The following CHTOP variants were observed in gnomAD, a reference collection of about 807,000 sequenced individuals.
The protein encoded by CHTOP is chromatin target of PRMT1 protein.
A neutral mutation model predicts 33.6 loss-of-function variants in CHTOP; 18 were observed. The observed-to-expected ratio is 0.54, with a 90% confidence interval of 0.37 to 0.80. CHTOP has a LOEUF of 0.80. CHTOP is among the 30% of genes least tolerant of loss of function. CHTOP has a pLI of 0.00. For synonymous variants in CHTOP, 117 were observed against 127.7 expected, an observed-to-expected ratio of 0.92 and a Z score of 0.56; for missense variants, 263 against 336.8, an observed-to-expected ratio of 0.78 and a Z score of 1.71.
intron 1 of CHTOP, 148 bp from the exon 2 acceptor site, chr1:153,636,424 A>C (rs1668406269): frequency 1.9e-6 from 1 of 534,538 alleles, no homozygotes; most frequent in South Asian, 3.1e-5. Context: ...AAAAAAAAAA[A>C]AGAAATTTAA....
intron 2 of CHTOP, chr1:153,637,948 A>G (rs1391171994): frequency 8.0e-6 from 2 of 249,666 alleles, no homozygotes; most frequent in South Asian, 5.0e-5. Flanking sequence ...CGGATCCCCC[A>G]AGGTTTAGGC....
At chr1:153,638,170 TAA>T (rs1668481537) in intron 2 of CHTOP, 123 bp from the exon 3 acceptor site, 3 of 899,552 alleles carry the variant, frequency 3.3e-6, no homozygotes, top group Non-Finnish European at 5.2e-6. Flanking sequence ...AGCCTTGATC[TAA>T]GTGTACCACT....
Position 153,645,421 on chromosome 1 carries a change from G to A in CHTOP, c.*152G>A. On this transcript the variant is annotated 3_prime_UTR_variant, in exon 6 of 6. Transcript: ENST00000368694. ...TGCCACCAGCTTGTGCATTTAGTGT[G>A]TTCCTTTTACTTTTTGATACTGTGT... The A allele has an allele frequency of 2.1e-6, 1 of 483,256 alleles. No homozygotes were observed. Among genetic ancestry groups the A allele is most frequent in the Admixed American group, 4.5e-5 (1 of 22,318 alleles). 29.9% of individuals were successfully genotyped at this position (483,256 alleles called of 1,614,324 possible).
intron 5 of CHTOP, chr1:153,644,160 A>G (rs1176965678): frequency 6.6e-6 from 1 of 152,228 alleles, no homozygotes; most frequent in Non-Finnish European, 1.5e-5. Context: ...TGGGTCTTCC[A>G]TAACTTATGA....
intron 3 of CHTOP, among the ~76,000 whole-genome samples, chr1:153,641,419 T>C (rs1668619402): frequency 6.6e-6 from 1 of 152,250 alleles, no homozygotes; most frequent in Admixed American, 6.5e-5. Flanking sequence ...TTCTTAAAAA[T>C]ACCCTATCTC....
At chr1:153,638,504 C>T (rs1557938834) in intron 3 of CHTOP, 56 bp downstream of exon 3, 4 of 1,592,484 alleles carry the variant, frequency 2.5e-6, no homozygotes, top group African/African-American at 1.3e-5. Flanking sequence ...GTGAGGGAGT[C>T]CACTGAGGCT....
rs992512339 is a variant in CHTOP at position 153,642,331 on chromosome 1, G to A, written c.305G>A (p.Gly102Glu). ...IGALARGAIGGRGLPIIQRGL... is the reference protein window; with the variant it reads ...IGALARGAIGERGLPIIQRGL... ...GCCCTGGCCAGGGGAGCAATCGGAG[G>A]ACGAGGCCTACCCATAATCCAGAGA... The change falls in exon 4 of 6, where the codon GGA (glycine) becomes GAA (glutamate). Residue 102 changes from glycine to glutamate, a missense_variant. Gly to Glu is a moderately conservative substitution (Grantham distance 98, BLOSUM62 -2). This residue lies in a region of CHTOP where 168 missense variants were observed against 179.9 expected (regional missense o/e 0.93). Transcript: ENST00000368694. 18 of 1,614,050 alleles carry A rather than the reference G, an allele frequency of 1.1e-5. No individual in the cohort carries two copies. In the East Asian group the frequency reaches 4.0e-4, roughly 36 times the overall value.
chr1:153,643,219 T>G lies in CHTOP; in HGVS notation c.404-8T>G. The G allele has an allele frequency of 6.2e-7, 1 of 1,614,100 alleles. No individual in the cohort carries two copies. The highest frequency in any genetic ancestry group is 8.5e-7 in the Non-Finnish European group (1 of 1,179,974). ...ACCTGCATATACATTGTATGCCTCC[T>G]CTCTAAGGTCAAAACCTGCTCCGAG... On this transcript the variant is annotated splice_region_variant and splice_polypyrimidine_tract_variant and intron_variant, in intron 4 of 5. Transcript: ENST00000368694.
chr1:153,636,456 G>A (rs1407554488), intron 1 of CHTOP, 116 bp from the exon 2 acceptor site: 1 of 660,214 alleles, frequency 1.5e-6, no homozygotes, highest in African/African-American at 1.8e-5. Flanking sequence ...GTGCCCTCGT[G>A]TGCTCTTTAG....
chr1:153,636,514 A>G (rs1668409160), intron 1 of CHTOP, 58 bp from the exon 2 acceptor site: 4 of 1,438,876 alleles, frequency 2.8e-6, no homozygotes, highest in African/African-American at 1.4e-5. Flanking sequence ...GGGCCTTGCC[A>G]CTTATAGAAA....
chr1:153,636,448 G>T, intron 1 of CHTOP, 124 bp from the exon 2 acceptor site: 3 of 595,084 alleles, frequency 5.0e-6, no homozygotes, highest in Admixed American at 3.2e-5. Flanking sequence ...CTTGAAATGT[G>T]CCCTCGTGTG....
At chr1:153,642,125 A>C in intron 3 of CHTOP, 121 bp from the exon 4 acceptor site, 1 of 732,318 alleles carries the variant, frequency 1.4e-6, no homozygotes, top group South Asian at 2.2e-5. Flanking sequence ...GACACCCACA[A>C]CAGGTTTATC....
At chr1:153,641,291 A>G (rs1228152792) in intron 3 of CHTOP, among the ~76,000 whole-genome samples, 2 of 152,356 alleles carry the variant, frequency 1.3e-5, no homozygotes, top group African/African-American at 4.8e-5. Flanking sequence ...TGATGGCTTT[A>G]TGGACAGCCA....
chr1:153,634,374 GA>G (rs931100612), intron 1 of CHTOP, 31 bp downstream of exon 1: 13 of 153,176 alleles, frequency 8.5e-5, no homozygotes, highest in African/African-American at 2.2e-4. Context: ...GGAGCCGGGG[GA>G]GGTGCGGTCT....
Position 153,642,467 on chromosome 1 carries a change from T to G in CHTOP, c.403+38T>G, listed in dbSNP as rs771298683. The G allele has an allele frequency of 1.8e-5, 28 of 1,517,620 alleles. 1 individual carries two copies. In the South Asian group the frequency reaches 3.4e-4, roughly 18 times the overall value. The allele number at this position is 1,517,620 out of a possible 1,614,324, so 94.0% of individuals were successfully genotyped here. A position where few individuals can be genotyped will look rare whatever the true frequency, so the allele number is the denominator to read the frequency against. On this transcript the variant is annotated intron_variant, in intron 4 of 5. Coordinates refer to ENST00000368694, the MANE Select transcript of CHTOP (RefSeq NM_015607.4). Reference sequence around the variant, plus strand: ...TACCCTGATAATTGTCGGGCCCTACTCCCTTCCCTTTTCTCTTGGGCTGCT... The same window carrying G: ...TACCCTGATAATTGTCGGGCCCTACGCCCTTCCCTTTTCTCTTGGGCTGCT...
intron 1 of CHTOP, 54 bp from the exon 2 acceptor site, chr1:153,636,518 A>G (rs1030333855): frequency 2.0e-5 from 30 of 1,469,858 alleles, no homozygotes; most frequent in Non-Finnish European, 2.8e-5. Context: ...CTTGCCACTT[A>G]TAGAAATGAT....
chr1:153,639,840 G>T (rs532593188), intron 3 of CHTOP, among the ~76,000 whole-genome samples: 1 of 152,194 alleles, frequency 6.6e-6, no homozygotes, highest in African/African-American at 2.4e-5. Flanking sequence ...CACCCAGGCT[G>T]TAGTGCAGTG....
chr1:153,635,116 C>T (rs1284146279), intron 1 of CHTOP, among the ~76,000 whole-genome samples: 1 of 152,148 alleles, frequency 6.6e-6, no homozygotes, highest in Admixed American at 6.5e-5. Flanking sequence ...TCCCAAAGTG[C>T]TGGGAAAACA....
chr1:153,644,632 G>A (rs1668740955), intron 5 of CHTOP, among the ~76,000 whole-genome samples: 1 of 152,192 alleles, frequency 6.6e-6, no homozygotes, highest in Non-Finnish European at 1.5e-5. Flanking sequence ...AACTTAATTT[G>A]AAAACTGTCT....
Sources: gnomAD v4.1 joint callset for allele counts (sites outside exome capture counted in the v4.1 genomes callset) on GRCh38, gnomAD v4.1.1 for gene constraint, gnomAD v4.1.1 regional missense constraint, MANE v1.5 for transcripts, NCBI Gene and HGNC (gene_info 2026-07-23, HGNC 2026-07-21) for gene names.